Variants in WIF1 observed in about 807,000 individuals in gnomAD.
WIF1 encodes the protein Wnt inhibitory factor 1.
A neutral mutation model predicts 53.5 loss-of-function variants in WIF1; 35 were observed. The ratio of observed to expected loss-of-function variants is 0.65; its 90% CI spans 0.50 to 0.87. The LOEUF (loss-of-function observed/expected upper bound fraction) is 0.87. Ranked by LOEUF, WIF1 falls within the 40% of genes least tolerant of loss-of-function variation. The pLI is 0.00. For missense variants in WIF1, 467 were observed against 476.8 expected, an observed-to-expected ratio of 0.98 and a Z score of 0.19; for synonymous variants, 171 against 170.4, an observed-to-expected ratio of 1.00 and a Z score of -0.03.
chr12:65,068,979 C>A (rs1882731830), intron 3 of WIF1, 75 bp from the exon 4 acceptor site: 2 of 1,532,976 alleles, frequency 1.3e-6, no homozygotes, highest in South Asian at 2.5e-5. Context: ...TCTTGGGAAC[C>A]AAGAGTCAAA....
intron 6 of WIF1, among the ~76,000 whole-genome samples, chr12:65,063,312 G>C (rs1882641307): frequency 6.6e-6 from 1 of 152,140 alleles, no homozygotes. Flanking sequence ...CTGCTCACTA[G>C]CACCTAAAAT....
In WIF1 at chr12:65,068,431, G is replaced by A. The variant is rs2136615751; in HGVS notation, c.538+333C>T. Among the ~76,000 whole-genome samples the A allele has an allele frequency of 1.3e-5, 2 of 152,258 alleles. 1 individual carries two copies. The highest frequency in any genetic ancestry group is 6.8e-3 in the Middle Eastern group (2 of 294). ...TTGAGCAAACAGAGCAAGAAAGGGG[G>A]AAATTCATGACCACGGGTGAGATAC... On this transcript the variant is annotated intron_variant, in intron 4 of 9. Transcript: ENST00000286574.
intron 2 of WIF1, among the ~76,000 whole-genome samples, chr12:65,107,174 G>A (rs1163229942): frequency 1.3e-5 from 2 of 152,162 alleles, no homozygotes; most frequent in Non-Finnish European, 2.9e-5. Context: ...CCATCTGCTG[G>A]TTACTGCTAT....
Position 65,071,912 on chromosome 12 carries a change from A to G in WIF1, c.398-3008T>C, listed in dbSNP as rs185567842. ...CAATTAATTTTTAATGTAAAAGAAG[A>G]ATTACAGAAAGATGTGATAAACCAT... On this transcript the variant is annotated intron_variant, in intron 3 of 9. Coordinates refer to ENST00000286574, the MANE Select transcript of WIF1 (RefSeq NM_007191.5). 7.2e-5 allele frequency among the ~76,000 whole-genome samples: 11 copies of G among 152,294 alleles called. No individual in the cohort carries two copies. In the East Asian group the frequency reaches 2.1e-3, roughly 29 times the overall value.
chr12:65,089,020 G>A (rs1883084348), intron 2 of WIF1, among the ~76,000 whole-genome samples: 1 of 151,924 alleles, frequency 6.6e-6, no homozygotes, highest in Admixed American at 6.6e-5. Flanking sequence ...CATTTTGGGG[G>A]CATCTTATCT....
At chr12:65,120,649 G>A (rs1883587618) in intron 1 of WIF1, 93 bp from the exon 2 acceptor site, 1 of 1,436,796 alleles carries the variant, frequency 7.0e-7, no homozygotes. Context: ...AAGAATTAGT[G>A]TGGGTCATTT....
chr12:65,067,881 G>C (rs893887996), intron 4 of WIF1, 91 bp from the exon 5 acceptor site: 2 of 1,057,720 alleles, frequency 1.9e-6, no homozygotes, highest in African/African-American at 3.2e-5. Flanking sequence ...GTTCATTTCT[G>C]TTCTAGCCCA....
chr12:65,119,205 T>G (rs771134197), intron 2 of WIF1, among the ~76,000 whole-genome samples: 1 of 152,194 alleles, frequency 6.6e-6, no homozygotes, highest in Non-Finnish European at 1.5e-5. Context: ...AAGAGGGACT[T>G]GTAGGGAGAA....
chr12:65,052,091 C>T (rs1157369067), intron 9 of WIF1, among the ~76,000 whole-genome samples: 1 of 152,308 alleles, frequency 6.6e-6, no homozygotes, highest in African/African-American at 2.4e-5. Flanking sequence ...TGCTAAGTTA[C>T]ACAACTTCAG....
chr12:65,051,175 T>C lies in WIF1; in HGVS notation c.*174A>G. On this transcript the variant is annotated 3_prime_UTR_variant, in exon 10 of 10. Coordinates refer to ENST00000286574, the MANE Select transcript of WIF1 (RefSeq NM_007191.5). ...AATCTATACCATCATGCTACAGACG[T>C]ACTTAGAAAACTTAAAAGGAAGAGT... 1 of 750,920 alleles carries C rather than the reference T, an allele frequency of 1.3e-6. No individual in the cohort carries two copies. The highest frequency in any genetic ancestry group is 2.0e-6 in the Non-Finnish European group (1 of 511,876). 46.5% of individuals were successfully genotyped at this position (750,920 alleles called of 1,614,324 possible).
chr12:65,075,806 A>G (rs1241030214), intron 3 of WIF1, among the ~76,000 whole-genome samples: 1 of 152,172 alleles, frequency 6.6e-6, no homozygotes, highest in Non-Finnish European at 1.5e-5. Flanking sequence ...ATTCTCCCCC[A>G]AAATAAAGTA....
At chr12:65,091,190 C>T (rs896646270) in intron 2 of WIF1, among the ~76,000 whole-genome samples, 1 of 151,486 alleles carries the variant, frequency 6.6e-6, no homozygotes, top group Admixed American at 6.6e-5. Context: ...CAGTAAAATC[C>T]AGACTATAGA....
At chr12:65,091,624 C>T (rs1173532477) in intron 2 of WIF1, among the ~76,000 whole-genome samples, 2 of 152,074 alleles carry the variant, frequency 1.3e-5, no homozygotes, top group African/African-American at 4.8e-5. Context: ...TTAAATTCTA[C>T]TGTGTTTATA....
chr12:65,107,711 T>C (rs993248151), intron 2 of WIF1, among the ~76,000 whole-genome samples: 1 of 152,218 alleles, frequency 6.6e-6, no homozygotes, highest in Non-Finnish European at 1.5e-5. Flanking sequence ...ACATCCATTA[T>C]TGATACTGAA....
chr12:65,055,934 C>T (rs879471430), intron 8 of WIF1, 97 bp downstream of exon 8: 70 of 1,069,516 alleles, frequency 6.5e-5, no homozygotes, highest in Non-Finnish European at 9.3e-5. Context: ...CTGTGATGCC[C>T]AGGCAACATG....
intron 4 of WIF1, among the ~76,000 whole-genome samples, chr12:65,068,557 A>G (rs1882722629): frequency 6.6e-6 from 1 of 152,056 alleles, no homozygotes; most frequent in African/African-American, 2.4e-5. Context: ...GGTCAAGGTC[A>G]GAGGAAGTCT....
chr12:65,097,855 C>A (rs766032408), intron 2 of WIF1, among the ~76,000 whole-genome samples: 28 of 152,222 alleles, frequency 1.8e-4, no homozygotes, highest in Middle Eastern at 6.8e-3. Context: ...TGTATCATAT[C>A]ACTTCGTGTG....
intron 3 of WIF1, among the ~76,000 whole-genome samples, chr12:65,072,511 A>G (rs1346580907): frequency 1.3e-5 from 2 of 152,208 alleles, no homozygotes; most frequent in African/African-American, 4.8e-5. Flanking sequence ...CATTTAGCAT[A>G]TTGTCTGTCA....
chr12:65,118,406 TA>T (rs1056123797), intron 2 of WIF1, among the ~76,000 whole-genome samples: 3 of 152,172 alleles, frequency 2.0e-5, no homozygotes, highest in African/African-American at 4.8e-5. Flanking sequence ...ATATTAAACA[TA>T]AAAAAATAAT....
Sources: allele counts gnomAD v4.1 joint callset (sites outside exome capture counted in the v4.1 genomes callset), GRCh38; gene constraint gnomAD v4.1.1; transcripts MANE v1.5; gene names NCBI Gene and HGNC (gene_info 2026-07-23, HGNC 2026-07-21).